The following CNTNAP2 variants were observed in gnomAD, a reference collection of about 807,000 sequenced individuals.
CNTNAP2 encodes the protein contactin-associated protein-like 2.
In CNTNAP2, 98 loss-of-function variants were observed where a neutral mutation model predicts 155.2. That is an observed-to-expected ratio of 0.63 (90% CI 0.54 to 0.75). The LOEUF is 0.75. Ranked by LOEUF, CNTNAP2 falls within the 30% of genes least tolerant of loss-of-function variation. CNTNAP2 has a pLI of 0.00. For missense variants in CNTNAP2, 1,727 were observed against 1,688.1 expected (o/e 1.02, Z -0.40); for synonymous variants, 651 against 631.2 (o/e 1.03, Z -0.47).
chr7:146,945,389 T>G (rs1338333961), intron 3 of CNTNAP2, among the ~76,000 whole-genome samples: 1 of 152,196 alleles, frequency 6.6e-6, no homozygotes, highest in African/African-American at 2.4e-5. Context: ...TATCCATTTC[T>G]GCACCAGGAC....
chr7:148,152,844 C>G (rs993635815), intron 17 of CNTNAP2, among the ~76,000 whole-genome samples: 1 of 151,808 alleles, frequency 6.6e-6, no homozygotes, highest in African/African-American at 2.4e-5. Context: ...CACGGTGAAA[C>G]CCCGTCTCTA....
At chr7:148,153,174 G>C (rs1192781398) in intron 17 of CNTNAP2, among the ~76,000 whole-genome samples, 1 of 150,994 alleles carries the variant, frequency 6.6e-6, no homozygotes, top group Non-Finnish European at 1.5e-5. Context: ...TTTTCTTGCT[G>C]TGTGATCTTT....
intron 2 of CNTNAP2, among the ~76,000 whole-genome samples, chr7:146,827,316 A>G (rs985265702): frequency 1.4e-4 from 21 of 152,018 alleles, no homozygotes; most frequent in Non-Finnish European, 2.9e-5. Flanking sequence ...TACAAATTCC[A>G]TGATTTAACT....
chr7:146,551,407 C>T (rs528398410), intron 1 of CNTNAP2, among the ~76,000 whole-genome samples: 44 of 151,692 alleles, frequency 2.9e-4, no homozygotes, highest in Middle Eastern at 3.4e-3. Context: ...TTTGTCCTTG[C>T]GATAGTTTGC....
chr7:146,704,506 G>A (rs1585049687), intron 1 of CNTNAP2, among the ~76,000 whole-genome samples: 1 of 152,100 alleles, frequency 6.6e-6, no homozygotes, highest in East Asian at 1.9e-4. Flanking sequence ...GCGAAGTCAG[G>A]AAATAGTTAA....
chr7:147,980,785 G>T (rs1801511743), intron 15 of CNTNAP2, among the ~76,000 whole-genome samples: 1 of 122,256 alleles, frequency 8.2e-6, no homozygotes, highest in African/African-American at 3.1e-5. Context: ...AAAAAAATTA[G>T]CCGGGCGTGG....
chr7:147,537,982 G>GA (rs1480781189), intron 11 of CNTNAP2, among the ~76,000 whole-genome samples: 8 of 152,056 alleles, frequency 5.3e-5, no homozygotes, highest in African/African-American at 1.4e-4. Context: ...ATGTGAATTT[G>GA]AAAAAACATT....
At chr7:147,549,120 A>G (rs950176990) in intron 11 of CNTNAP2, among the ~76,000 whole-genome samples, 6 of 151,784 alleles carry the variant, frequency 4.0e-5, no homozygotes, top group African/African-American at 1.4e-4. Context: ...AATTTTAAAC[A>G]TTTATAATTC....
At chr7:146,130,465 C>G (rs1365038458) in intron 1 of CNTNAP2, among the ~76,000 whole-genome samples, 3 of 152,144 alleles carry the variant, frequency 2.0e-5, no homozygotes, top group African/African-American at 7.2e-5. Context: ...GAGTGAGACT[C>G]TGCCTCTTAA....
chr7:147,176,049 T>G (rs1239978892), intron 8 of CNTNAP2, among the ~76,000 whole-genome samples: 1 of 152,168 alleles, frequency 6.6e-6, no homozygotes, highest in Admixed American at 6.5e-5. Flanking sequence ...TAAAGCTTTT[T>G]GTATGGCTGG....
At chr7:146,501,956 G>A (rs1797306370) in intron 1 of CNTNAP2, among the ~76,000 whole-genome samples, 1 of 151,762 alleles carries the variant, frequency 6.6e-6, no homozygotes, top group Admixed American at 6.6e-5. Flanking sequence ...AAACAAGGAG[G>A]TATTTGTTTG....
Position 147,239,502 on chromosome 7 carries a change from T to A in CNTNAP2, c.1349-60639T>A, listed in dbSNP as rs965959145. Among the ~76,000 whole-genome samples the A allele has an allele frequency of 3.0e-5, 4 of 132,374 alleles. No individual in the cohort carries two copies. The East Asian group carries it at 6.7e-4, about 22-fold the overall frequency. The allele number at this position is 132,374 out of a possible 152,430, so 86.8% of individuals were successfully genotyped here. A position where few individuals can be genotyped will look rare whatever the true frequency, so the allele number is the denominator to read the frequency against. ...TCCAGCCTGGGCAATAGAGCGAGAC[T>A]CCGTTTCCAAAAAAAAAAAAAAAAA... is the stretch of plus-strand genomic sequence containing the variant. On this transcript the variant is annotated intron_variant, in intron 8 of 23. Transcript: ENST00000361727.
chr7:146,990,403 T>G (rs1188014074), intron 3 of CNTNAP2, among the ~76,000 whole-genome samples: 2 of 152,192 alleles, frequency 1.3e-5, no homozygotes, highest in Admixed American at 6.5e-5. Context: ...ATATCTGCCT[T>G]GTAAGATCAT....
chr7:147,765,167 C>T (rs2116525899), intron 13 of CNTNAP2, among the ~76,000 whole-genome samples: 1 of 152,228 alleles, frequency 6.6e-6, no homozygotes, highest in East Asian at 1.9e-4. Flanking sequence ...TTCTGAGTTT[C>T]CATGAAACAA....
chr7:148,331,190 TGGAC>T (rs1309659714), intron 21 of CNTNAP2, among the ~76,000 whole-genome samples: 3 of 141,650 alleles, frequency 2.1e-5, no homozygotes, highest in Non-Finnish European at 1.5e-5. Flanking sequence ...ATGGAATGGA[TGGAC>T]GGATGGAGTG....
At chr7:147,743,959 G>A (rs926551383) in intron 13 of CNTNAP2, among the ~76,000 whole-genome samples, 4 of 152,106 alleles carry the variant, frequency 2.6e-5, no homozygotes, top group African/African-American at 9.7e-5. Flanking sequence ...GTGACCTTGG[G>A]CAAGTTATGT....
At chr7:147,171,648 C>T (rs141663692) in intron 8 of CNTNAP2, among the ~76,000 whole-genome samples, 78 of 152,220 alleles carry the variant, frequency 5.1e-4, no homozygotes, top group South Asian at 1.9e-3. Flanking sequence ...TTATGAGGAT[C>T]GTGAAATACC....
intron 8 of CNTNAP2, among the ~76,000 whole-genome samples, chr7:147,167,959 G>A (rs1160898181): frequency 1.3e-5 from 2 of 149,538 alleles, no homozygotes; most frequent in Non-Finnish European, 3.0e-5. Context: ...CATTATATGT[G>A]TATATATACA....
chr7:147,908,309 A>T (rs1469313316), intron 14 of CNTNAP2, among the ~76,000 whole-genome samples: 2 of 152,240 alleles, frequency 1.3e-5, no homozygotes, highest in African/African-American at 4.8e-5. Flanking sequence ...GAGACGTGCG[A>T]AAGCCAGGCT....
Sources: allele counts gnomAD v4.1 joint callset (sites outside exome capture counted in the v4.1 genomes callset), GRCh38; gene constraint gnomAD v4.1.1; transcripts MANE v1.5; gene names NCBI Gene and HGNC (gene_info 2026-07-23, HGNC 2026-07-21).